STAT2: variants seen among roughly 807,000 people sequenced by gnomAD.
The protein encoded by STAT2 is signal transducer and activator of transcription 2.
In STAT2, 51 loss-of-function variants were observed where a neutral mutation model predicts 122.3. The observed-to-expected ratio is 0.42, with a 90% CI of 0.33 to 0.53. The LOEUF (loss-of-function observed/expected upper bound fraction) is 0.53, where lower values mean the gene tolerates loss of function less well. Among genes scored for constraint, STAT2 ranks in the 20% least tolerant of loss-of-function variants. The pLI, the probability that STAT2 is intolerant of heterozygous loss-of-function variation, is 0.10. For synonymous variants in STAT2, 351 were observed against 394.9 expected, an observed-to-expected ratio of 0.89 and a Z score of 1.32; for missense variants, 736 against 1,010.3, an observed-to-expected ratio of 0.73 and a Z score of 3.68.
chr12:56,346,377 G>A (rs1218129725), intron 21 of STAT2, 65 bp downstream of exon 21: 3 of 1,592,596 alleles, frequency 1.9e-6, no homozygotes, highest in Non-Finnish European at 2.6e-6. Context: ...AAAGGAAGGA[G>A]TGGGATCTAT....
At chr12:56,347,334 G>A (rs1490320820) in intron 19 of STAT2, among the ~76,000 whole-genome samples, 2 of 151,990 alleles carry the variant, frequency 1.3e-5, no homozygotes, top group Non-Finnish European at 2.9e-5. Context: ...GGGACCACAG[G>A]TGCACACCAC....
chr12:56,346,776 C>T (rs1440007140), intron 20 of STAT2, 43 bp downstream of exon 20: 1 of 1,612,942 alleles, frequency 6.2e-7, no homozygotes, highest in South Asian at 1.1e-5. Flanking sequence ...GGGAGCCAGG[C>T]AGAAAGGAGA....
Position 56,344,075 on chromosome 12 carries a change from T to C in STAT2, c.2163A>G (p.Leu721=), listed in dbSNP as rs1475571946. 1.2e-6 allele frequency: 2 copies of C among 1,600,010 alleles called. No homozygotes were observed. The highest frequency in any genetic ancestry group is 1.8e-5 in the Admixed American group (1 of 57,004). The part of the protein sequence containing the change: ...ELKPEPELES[L]ELELGLVPEP... The stretch of plus-strand genomic sequence containing the variant: ...CTGGCACCAGCCCTAGTTCCAGCTC[T>C]AATGACTCCAGCTCTGGCTCTGGCT... The change falls in exon 23 of 24, where the codon TTA becomes TTG. Residue 721 remains leucine, a synonymous_variant. Transcript: ENST00000314128.
chr12:56,350,288 G>C (rs1046682673), intron 12 of STAT2, 98 bp from the exon 13 acceptor site: 12 of 1,426,568 alleles, frequency 8.4e-6, no homozygotes, highest in African/African-American at 2.9e-5. Flanking sequence ...TTCAGATCTC[G>C]CCATCTCCCT....
chr12:56,355,694 T>A lies in STAT2; in HGVS notation c.381+14A>T. The A allele has an allele frequency of 6.2e-7, 1 of 1,612,766 alleles. No individual in the cohort carries two copies. The highest frequency in any genetic ancestry group is 8.5e-7 in the Non-Finnish European group (1 of 1,178,782). On this transcript the variant is annotated intron_variant, in intron 4 of 23. Coordinates refer to ENST00000314128, the MANE Select transcript of STAT2 (RefSeq NM_005419.4). ...CTTCAGGAGTTTCCAACATTACCAC[T>A]GAATTGTCCTCACCAATTGGGCCCT...
At chr12:56,352,754 A>G (rs548406114) in intron 8 of STAT2, among the ~76,000 whole-genome samples, 3 of 151,018 alleles carry the variant, frequency 2.0e-5, no homozygotes, top group African/African-American at 7.3e-5. Context: ...TCAGGCTGAC[A>G]TCAAACTCCT....
rs1212269706 is a variant in STAT2 at position 56,356,464 on chromosome 12, A to G, written c.108T>C (p.Ala36=). The part of the protein sequence containing the change: ...LLPVDIRQYL[A]VWIEDQNWQE... The stretch of plus-strand genomic sequence containing the variant: ...ACCAGTTCTGGTCTTCAATCCAGAC[A>G]GCCAAGTACTGTCGAATGTCCACAG... Residue 36 remains alanine (A), a synonymous_variant, in exon 2 of 24, where the codon GCT becomes GCC. Coordinates refer to ENST00000314128, the MANE Select transcript of STAT2 (RefSeq NM_005419.4). The G allele has an allele frequency of 1.9e-6, 3 of 1,614,110 alleles. No homozygotes were observed. Among genetic ancestry groups the G allele is most frequent in the East Asian group, 2.2e-5 (1 of 44,884 alleles).
Position 56,348,629 on chromosome 12 carries a change from G to A in STAT2, c.1630-6C>T, listed in dbSNP as rs767880740. On this transcript the variant is annotated splice_polypyrimidine_tract_variant and splice_region_variant and intron_variant, in intron 18 of 23. Coordinates refer to ENST00000314128, the MANE Select transcript of STAT2 (RefSeq NM_005419.4). ...TTGCCAGGAGGGCTCTCTCGCTGGA[G>A]GAGGAATGGAAAGGTAGCAAAAGCT... 2 of 1,614,192 alleles carry A rather than the reference G, an allele frequency of 1.2e-6. No homozygotes were observed. The highest frequency in any genetic ancestry group is 3.3e-5 in the Admixed American group (2 of 60,022).
In STAT2 at chr12:56,348,675, G is replaced by A. The variant is rs757126605; in HGVS notation, c.1630-52C>T. ...AAGCTGAGGAGTTGCCTCTGGTGTA[G>A]GGAAGGAGGGACGTGGGAAGGCCAG... is the stretch of plus-strand genomic sequence containing the variant. On this transcript the variant is annotated intron_variant, in intron 18 of 23. Transcript: ENST00000314128. The A allele has an allele frequency of 4.7e-5, 76 of 1,613,910 alleles. No homozygotes were observed. The Admixed American group carries it at 1.3e-3, about 27-fold the overall frequency.
intron 8 of STAT2, among the ~76,000 whole-genome samples, chr12:56,353,245 C>T (rs576637646): frequency 1.3e-5 from 2 of 152,266 alleles, no homozygotes; most frequent in South Asian, 2.1e-4. Context: ...TGGCCTCCCA[C>T]AGTGCTGGCC....
chr12:56,350,226 G>C, intron 12 of STAT2, 36 bp from the exon 13 acceptor site: 1 of 1,523,166 alleles, frequency 6.6e-7, no homozygotes, highest in Non-Finnish European at 8.9e-7. Context: ...GACAAGGAAT[G>C]GAATTATTCT....
chr12:56,354,857 G>A lies in STAT2; in HGVS notation c.554C>T (p.Thr185Ile), dbSNP rs1482155277. 1 of 1,613,988 alleles carries A rather than the reference G, an allele frequency of 6.2e-7. No homozygotes were observed. The highest frequency in any genetic ancestry group is 2.2e-5 in the East Asian group (1 of 44,886). Reference sequence around the variant, plus strand: ...GGTCTGATGGGGGTCCAGAGAGGGTGTCTTCCCTGGATGGTGGGAACAGGA... The same window carrying A: ...GGTCTGATGGGGGTCCAGAGAGGGTATCTTCCCTGGATGGTGGGAACAGGA... ...FRYKIQAKGK[T>I]PSLDPHQTKE... The change falls in exon 7 of 24, where the codon ACA (threonine) becomes ATA (isoleucine). Residue 185 changes from threonine to isoleucine, a missense_variant. Coordinates refer to ENST00000314128, the MANE Select transcript of STAT2 (RefSeq NM_005419.4).
At chr12:56,353,503 T>G (rs1565656596) in intron 8 of STAT2, among the ~76,000 whole-genome samples, 1 of 152,148 alleles carries the variant, frequency 6.6e-6, no homozygotes, top group Non-Finnish European at 1.5e-5. Context: ...GTAGGTATTT[T>G]TCAAGTATGT....
chr12:56,349,395 T>C, intron 15 of STAT2, 31 bp downstream of exon 15: 1 of 1,614,136 alleles, frequency 6.2e-7, no homozygotes, highest in Middle Eastern at 1.6e-4. Context: ...CAAAGCTGCT[T>C]TCTCTCTCCT....
chr12:56,347,067 T>C (rs1204364402), intron 19 of STAT2, 112 bp from the exon 20 acceptor site: 37 of 1,491,008 alleles, frequency 2.5e-5, no homozygotes, highest in Non-Finnish European at 3.3e-5. Context: ...ATCCAGGCTT[T>C]GGACCAAGCC....
At chr12:56,346,702 C>T (rs1877515796) in intron 20 of STAT2, 78 bp from the exon 21 acceptor site, 2 of 1,601,360 alleles carry the variant, frequency 1.2e-6, no homozygotes, top group African/African-American at 1.3e-5. Context: ...GCTGCCCAGT[C>T]CCAAACCAGC....
At chr12:56,355,188 T>C (rs774507622) in intron 6 of STAT2, 88 bp downstream of exon 6, 106 of 1,473,032 alleles carry the variant, frequency 7.2e-5, no homozygotes, top group Non-Finnish European at 9.0e-5. Context: ...CAGTGACTAC[T>C]GCTCATCGGA....
rs778282005 is a variant in STAT2 at position 56,346,601 on chromosome 12, G to A, written c.1885C>T (p.Gln629Ter). Reference protein sequence around the residue: ...DDDKVLIYSVQPYTKEVLQSL... With the variant: ...DDDKVLIYSV ...TGCAGCACCTCCTTCGTGTACGGTT[G>A]CACAGAGTAGATGAGCACCTTGTCT... is the stretch of plus-strand genomic sequence containing the variant. The change falls in exon 21 of 24, where the codon CAA becomes TAA. Residue 629 changes from glutamine to a stop codon, truncating the protein, a stop_gained. Coordinates refer to ENST00000314128, the MANE Select transcript of STAT2 (RefSeq NM_005419.4). LOFTEE classifies it high-confidence loss of function. The A allele has an allele frequency of 6.2e-7, 1 of 1,614,218 alleles. No homozygotes were observed.
At chr12:56,353,392 C>T (rs1169928381) in intron 8 of STAT2, among the ~76,000 whole-genome samples, 2 of 152,048 alleles carry the variant, frequency 1.3e-5, no homozygotes, top group African/African-American at 4.8e-5. Context: ...CTCAGCCTTC[C>T]AAAGTACTAG....
Sources: gnomAD v4.1 joint callset for allele counts (sites outside exome capture counted in the v4.1 genomes callset) on GRCh38, gnomAD v4.1.1 for gene constraint, MANE v1.5 for transcripts, NCBI Gene and HGNC (gene_info 2026-07-23, HGNC 2026-07-21) for gene names.